The following UNC5D variants were observed in gnomAD, a reference collection of about 807,000 sequenced individuals.
UNC5D encodes the protein netrin receptor UNC5D.
UNC5D carries 39 observed loss-of-function variants against 105.4 expected under a neutral mutation model. That is an observed-to-expected ratio of 0.37 (90% CI 0.29 to 0.48). The LOEUF is 0.48. UNC5D is among the 20% of genes least tolerant of loss of function. The pLI, the probability that UNC5D is intolerant of heterozygous loss-of-function variation, is 0.98. For synonymous variants in UNC5D, 452 were observed against 450.4 expected (o/e 1.00, Z -0.04); for missense variants, 991 against 1,202.4 (o/e 0.82, Z 2.60).
intron 1 of UNC5D, among the ~76,000 whole-genome samples, chr8:35,246,702 G>A (rs73671686): frequency 0.035 from 5,327 of 152,094 alleles, 339 homozygotes; most frequent in African/African-American, 0.12. Context: ...TATGGCACTC[G>A]GCCCTCCAGT....
chr8:35,532,187 G>A (rs1224658092), intron 1 of UNC5D, among the ~76,000 whole-genome samples: 1 of 149,446 alleles, frequency 6.7e-6, no homozygotes, highest in Non-Finnish European at 1.5e-5. Flanking sequence ...GCTGGTACCG[G>A]TTGTTCCTTT....
chr8:35,410,656 A>G (rs1805106488), intron 1 of UNC5D, among the ~76,000 whole-genome samples: 1 of 152,108 alleles, frequency 6.6e-6, no homozygotes, highest in African/African-American at 2.4e-5. Context: ...CAGAACAGAT[A>G]AAAGCAGAGC....
intron 1 of UNC5D, among the ~76,000 whole-genome samples, chr8:35,269,513 A>G (rs1805126668): frequency 6.6e-6 from 1 of 152,130 alleles, no homozygotes; most frequent in Non-Finnish European, 1.5e-5. Flanking sequence ...GATAGTGTCA[A>G]TGTTTTCCTG....
chr8:35,677,536 T>C (rs1188171330), intron 4 of UNC5D, among the ~76,000 whole-genome samples: 1 of 152,216 alleles, frequency 6.6e-6, no homozygotes, highest in Non-Finnish European at 1.5e-5. Context: ...AAAAATGTTT[T>C]AAAGTTTCTC....
At chr8:35,600,815 T>G (rs1586219836) in intron 4 of UNC5D, among the ~76,000 whole-genome samples, 3 of 152,320 alleles carry the variant, frequency 2.0e-5, no homozygotes, top group Middle Eastern at 6.8e-3. Flanking sequence ...TAGATCCCAT[T>G]TGTCAATTTT....
At chr8:35,672,114 C>T (rs191349032) in intron 4 of UNC5D, among the ~76,000 whole-genome samples, 1 of 152,034 alleles carries the variant, frequency 6.6e-6, no homozygotes, top group Non-Finnish European at 1.5e-5. Context: ...TGATACGTGT[C>T]TGTGTATCAT....
chr8:35,265,639 T>C (rs1804807576), intron 1 of UNC5D, among the ~76,000 whole-genome samples: 1 of 151,994 alleles, frequency 6.6e-6, no homozygotes. Context: ...GGGAGGCCGA[T>C]GTGGGCGGAT....
chr8:35,306,241 GTC>G (rs1477207787), intron 1 of UNC5D, among the ~76,000 whole-genome samples: 1 of 151,950 alleles, frequency 6.6e-6, no homozygotes, highest in African/African-American at 2.4e-5. Flanking sequence ...GCGTGTGTGT[GTC>G]CTCTGATGAG....
chr8:35,551,291 T>G (rs79741961), intron 2 of UNC5D, among the ~76,000 whole-genome samples: 1,906 of 152,276 alleles, frequency 0.013, 55 homozygotes, highest in African/African-American at 0.044. Context: ...AGATCATAGT[T>G]TTGATAAGCT....
At chr8:35,689,182 T>C (rs1230310742) in intron 7 of UNC5D, among the ~76,000 whole-genome samples, 1 of 152,262 alleles carries the variant, frequency 6.6e-6, no homozygotes, top group Non-Finnish European at 1.5e-5. Context: ...TCAATCTTAA[T>C]TGACTAAGAC....
chr8:35,565,655 TC>T (rs750535353), intron 2 of UNC5D, among the ~76,000 whole-genome samples: 3 of 152,208 alleles, frequency 2.0e-5, no homozygotes, highest in African/African-American at 4.8e-5. Context: ...TAGGCCAATG[TC>T]TACAATAATT....
chr8:35,771,231 G>C (rs1170036300), intron 15 of UNC5D, among the ~76,000 whole-genome samples: 1 of 152,122 alleles, frequency 6.6e-6, no homozygotes, highest in African/African-American at 2.4e-5. Flanking sequence ...CATGCATCAA[G>C]GTGGTTTTTC....
intron 1 of UNC5D, among the ~76,000 whole-genome samples, chr8:35,484,814 C>T (rs1176003255): frequency 6.6e-6 from 1 of 152,068 alleles, no homozygotes; most frequent in East Asian, 1.9e-4. Flanking sequence ...TTAGAATAAC[C>T]CTTTGGAGAT....
chr8:35,749,425 T>G (rs1426722754), intron 12 of UNC5D, among the ~76,000 whole-genome samples: 1 of 152,204 alleles, frequency 6.6e-6, no homozygotes, highest in East Asian at 1.9e-4. Context: ...AGAATTATCT[T>G]TGTTGGAACA....
At chr8:35,419,345 C>T (rs933177040) in intron 1 of UNC5D, among the ~76,000 whole-genome samples, 2 of 152,168 alleles carry the variant, frequency 1.3e-5, no homozygotes, top group African/African-American at 4.8e-5. Context: ...TCCCACTTGG[C>T]CAAGCAGGCT....
intron 16 of UNC5D, among the ~76,000 whole-genome samples, chr8:35,774,891 C>T (rs1403417370): frequency 7.0e-6 from 1 of 142,724 alleles, no homozygotes. Flanking sequence ...TGCACCACTG[C>T]ACTCCAGCAT....
intron 11 of UNC5D, among the ~76,000 whole-genome samples, chr8:35,745,850 T>C (rs1829976943): frequency 6.6e-6 from 1 of 152,216 alleles, no homozygotes. Flanking sequence ...ACAGTTGTTA[T>C]TAGCTCACAG....
At chr8:35,581,228 C>T (rs988230424) in intron 3 of UNC5D, among the ~76,000 whole-genome samples, 1 of 152,104 alleles carries the variant, frequency 6.6e-6, no homozygotes, top group Non-Finnish European at 1.5e-5. Context: ...TTCTAGATCT[C>T]CATCTTGAGG....
chr8:35,773,264 T>C (rs1199256547), intron 15 of UNC5D, among the ~76,000 whole-genome samples: 1 of 152,210 alleles, frequency 6.6e-6, no homozygotes, highest in Non-Finnish European at 1.5e-5. Flanking sequence ...AGGATTAATA[T>C]TGAAATGACA....
Sources: gnomAD v4.1 joint callset for allele counts (sites outside exome capture counted in the v4.1 genomes callset) on GRCh38, gnomAD v4.1.1 for gene constraint, MANE v1.5 for transcripts, NCBI Gene and HGNC (gene_info 2026-07-23, HGNC 2026-07-21) for gene names.